PLAAT1: variants seen among roughly 807,000 people sequenced by gnomAD.
The protein encoded by PLAAT1 is H-REV107 protein-related protein.
Under a neutral mutation model 16.4 loss-of-function variants are expected in PLAAT1, and 13 were observed. The ratio of observed to expected loss-of-function variants is 0.79; its 90% CI spans 0.52 to 1.26. The LOEUF (loss-of-function observed/expected upper bound fraction) is 1.26, where lower values mean the gene tolerates loss of function less well. Among genes scored for constraint, PLAAT1 ranks in the 50% most tolerant of loss-of-function variants. PLAAT1 has a pLI of 0.00. For missense variants in PLAAT1, 218 were observed against 207.8 expected (o/e 1.05, Z -0.30); for synonymous variants, 73 against 78.4 (o/e 0.93, Z 0.36).
chr3:193,262,622 T>C (rs921432469), intron 2 of PLAAT1, among the ~76,000 whole-genome samples: 20 of 152,288 alleles, frequency 1.3e-4, no homozygotes, highest in African/African-American at 3.8e-4. Flanking sequence ...AATAATCTTA[T>C]CTGTATCTAT....
At chr3:193,252,721 A>C (rs1308771258) in intron 1 of PLAAT1, among the ~76,000 whole-genome samples, 1 of 152,168 alleles carries the variant, frequency 6.6e-6, no homozygotes, top group African/African-American at 2.4e-5. Context: ...TAATTTTTGT[A>C]TGAAGTATGA....
At chr3:193,258,889 T>G (rs1716482172) in intron 2 of PLAAT1, among the ~76,000 whole-genome samples, 1 of 152,118 alleles carries the variant, frequency 6.6e-6, no homozygotes. Flanking sequence ...GAGGGGCTCC[T>G]TCCTAACTCA....
chr3:193,243,309 A>C (rs564048456), intron 1 of PLAAT1, among the ~76,000 whole-genome samples: 20 of 150,774 alleles, frequency 1.3e-4, no homozygotes, highest in Middle Eastern at 3.4e-3. Flanking sequence ...TGTCTGAATG[A>C]AATTGGTAGA....
intron 2 of PLAAT1, among the ~76,000 whole-genome samples, chr3:193,261,831 C>G (rs987285257): frequency 3.9e-5 from 6 of 152,058 alleles, no homozygotes; most frequent in Non-Finnish European, 5.9e-5. Context: ...CTAATTTTTG[C>G]ATGTGGTTAT....
chr3:193,262,946 A>C, intron 2 of PLAAT1, 24 bp from the exon 3 acceptor site: 1 of 1,612,814 alleles, frequency 6.2e-7, no homozygotes, highest in South Asian at 1.1e-5. Flanking sequence ...ACTATACCTT[A>C]CTAACCAGAA....
chr3:193,257,940 G>T (rs901088154), intron 2 of PLAAT1, among the ~76,000 whole-genome samples: 3 of 152,198 alleles, frequency 2.0e-5, no homozygotes, highest in Non-Finnish European at 4.4e-5. Flanking sequence ...CCAGTGGTTT[G>T]CCAGGGACTC....
At chr3:193,263,490 GC>G (rs1716666034) in intron 3 of PLAAT1, among the ~76,000 whole-genome samples, 2 of 29,828 alleles carry the variant, frequency 6.7e-5, no homozygotes, top group South Asian at 2.9e-3. Flanking sequence ...CAATCTTACT[GC>G]CTTTTAGTCT....
intron 2 of PLAAT1, among the ~76,000 whole-genome samples, chr3:193,258,609 T>A (rs998101871): frequency 6.6e-6 from 1 of 152,144 alleles, no homozygotes; most frequent in Non-Finnish European, 1.5e-5. Context: ...CCCTAGAGAC[T>A]ATTATGAACA....
At chr3:193,250,116 G>T (rs927091881) in intron 1 of PLAAT1, among the ~76,000 whole-genome samples, 4 of 152,154 alleles carry the variant, frequency 2.6e-5, no homozygotes, top group African/African-American at 9.7e-5. Flanking sequence ...TTGCTAGACT[G>T]GTCTTGTGTA....
intron 2 of PLAAT1, among the ~76,000 whole-genome samples, chr3:193,259,667 A>G (rs1716512568): frequency 6.6e-6 from 1 of 152,182 alleles, no homozygotes; most frequent in Non-Finnish European, 1.5e-5. Context: ...ACATCCAACC[A>G]AGAAGGTGAA....
intron 3 of PLAAT1, among the ~76,000 whole-genome samples, chr3:193,268,356 G>A (rs975425988): frequency 9.9e-5 from 15 of 152,092 alleles, no homozygotes; most frequent in Non-Finnish European, 8.8e-5. Context: ...CTGTGTCCCC[G>A]CTATACTGCT....
downstream of PLAAT1, chr3:193,275,251 C>CA: frequency 6.2e-7 from 1 of 1,614,038 alleles, no homozygotes. Context: ...GAGTAGAATC[C>CA]AAATTCTCTT....
intron 1 of PLAAT1, among the ~76,000 whole-genome samples, chr3:193,244,793 C>A (rs1027574557): frequency 6.6e-6 from 1 of 152,080 alleles, no homozygotes; most frequent in African/African-American, 2.4e-5. Context: ...TTAGGTCTCT[C>A]TTCCTGTGAT....
chr3:193,256,145 T>C lies in PLAAT1; in HGVS notation c.139+356T>C, dbSNP rs1446065088. Among the ~76,000 whole-genome samples the C allele has an allele frequency of 2.6e-5, 4 of 152,200 alleles. No homozygotes were observed. In the South Asian group the frequency reaches 6.2e-4, roughly 24 times the overall value. On this transcript the variant is annotated intron_variant, in intron 2 of 3. Transcript: ENST00000264735. The stretch of plus-strand genomic sequence containing the variant: ...ACACCTATTTATAGATCACCTAGTA[T>C]GTTCTGAATGCTATTCTAAGTGCTG...
chr3:193,241,886 C>T (rs866352027), intron 1 of PLAAT1, among the ~76,000 whole-genome samples: 1 of 152,174 alleles, frequency 6.6e-6, no homozygotes, highest in South Asian at 2.1e-4. Context: ...TAATATGACT[C>T]GTGCTGGAAA....
intron 1 of PLAAT1, among the ~76,000 whole-genome samples, chr3:193,243,219 T>G (rs1334247246): frequency 6.6e-6 from 1 of 152,224 alleles, no homozygotes; most frequent in Non-Finnish European, 1.5e-5. Flanking sequence ...ACCTTAAAGA[T>G]TGTAGTAGAG....
chr3:193,253,171 C>T (rs560278781), intron 1 of PLAAT1, among the ~76,000 whole-genome samples: 4 of 152,280 alleles, frequency 2.6e-5, no homozygotes, highest in South Asian at 2.1e-4. Context: ...TGTTCAGTAT[C>T]ATAACTCACT....
At chr3:193,241,591 A>G in intron 1 of PLAAT1, 58 bp downstream of exon 1, 1 of 1,182,528 alleles carries the variant, frequency 8.5e-7, no homozygotes, top group South Asian at 4.3e-5. Flanking sequence ...ACCGTGTTCT[A>G]ACCAACTGGC....
At chr3:193,274,016 G>A (rs1054940613), downstream of PLAAT1, among the ~76,000 whole-genome samples, 3 of 152,092 alleles carry the variant, frequency 2.0e-5, no homozygotes, top group African/African-American at 7.2e-5. Flanking sequence ...GGCTGAGGTG[G>A]GTGAATCACT....
Sources: gnomAD v4.1 joint callset for allele counts (sites outside exome capture counted in the v4.1 genomes callset) on GRCh38, gnomAD v4.1.1 for gene constraint, MANE v1.5 for transcripts, NCBI Gene and HGNC (gene_info 2026-07-23, HGNC 2026-07-21) for gene names.